GALNTL6: variants seen among roughly 807,000 people sequenced by gnomAD.
The protein encoded by GALNTL6 is polypeptide N-acetylgalactosaminyltransferase like 6, also known as polypeptide N-acetylgalactosaminyltransferase-like 6.
Under a neutral mutation model 73.7 loss-of-function variants are expected in GALNTL6, and 46 were observed. The observed-to-expected ratio is 0.62, with a 90% CI of 0.49 to 0.80. The LOEUF is 0.80. Among genes scored for constraint, GALNTL6 ranks in the 30% least tolerant of loss-of-function variants. The pLI is 0.00. For synonymous variants in GALNTL6, 259 were observed against 263.7 expected (o/e 0.98, Z 0.17); for missense variants, 604 against 755.0 (o/e 0.80, Z 2.34).
rs562857295 is a variant in GALNTL6 at position 173,005,946 on chromosome 4, T to C, written c.1372-3232T>C. On this transcript the variant is annotated intron_variant, in intron 10 of 12. Coordinates refer to ENST00000506823, the MANE Select transcript of GALNTL6 (RefSeq NM_001034845.3). ...TCTAGAAAATGGTATCCTCCATCCC[T>C]GCCAGAGGCCTTTTGAGCTCATAAC... 1.3e-3 allele frequency among the ~76,000 whole-genome samples: 193 copies of C among 152,332 alleles called. 3 individuals are homozygous for C. Among genetic ancestry groups the C allele is most frequent in the African/African-American group, 4.4e-3 (182 of 41,576 alleles).
chr4:172,985,392 A>G (rs1241238833), intron 10 of GALNTL6, among the ~76,000 whole-genome samples: 1 of 152,036 alleles, frequency 6.6e-6, no homozygotes, highest in African/African-American at 2.4e-5. Context: ...CAAACTAGAT[A>G]GAAAATATTT....
chr4:172,592,662 G>GTCTA (rs1329454087), intron 5 of GALNTL6, among the ~76,000 whole-genome samples: 1 of 138,718 alleles, frequency 7.2e-6, no homozygotes, highest in Non-Finnish European at 1.6e-5. Context: ...ATATCTGTCT[G>GTCTA]TCTGTCTGTC....
At chr4:172,061,619 T>A (rs1394779740) in intron 2 of GALNTL6, among the ~76,000 whole-genome samples, 2 of 152,204 alleles carry the variant, frequency 1.3e-5, no homozygotes, top group Admixed American at 1.3e-4. Flanking sequence ...TTTATTTCAT[T>A]TTTTATTATG....
intron 7 of GALNTL6, among the ~76,000 whole-genome samples, chr4:172,834,105 G>A (rs1331569825): frequency 6.6e-6 from 1 of 152,084 alleles, no homozygotes; most frequent in Non-Finnish European, 1.5e-5. Context: ...CAACAAGAGG[G>A]AAACTCCATC....
chr4:172,868,180 T>C (rs893975268), intron 7 of GALNTL6, among the ~76,000 whole-genome samples: 1 of 152,186 alleles, frequency 6.6e-6, no homozygotes, highest in South Asian at 2.1e-4. Context: ...TTGCAATGCC[T>C]GAAGGGATGC....
intron 2 of GALNTL6, among the ~76,000 whole-genome samples, chr4:172,166,177 G>A (rs947086940): frequency 1.3e-5 from 2 of 152,092 alleles, no homozygotes; most frequent in Non-Finnish European, 2.9e-5. Context: ...TGACATTTTT[G>A]TCCGGGCATG....
At chr4:172,536,669 A>C (rs548325913) in intron 5 of GALNTL6, among the ~76,000 whole-genome samples, 2 of 152,342 alleles carry the variant, frequency 1.3e-5, no homozygotes, top group Admixed American at 6.5e-5. Context: ...TGCTTTTAAA[A>C]GCATTTACTT....
chr4:171,838,259 G>T (rs1283961923), intron 2 of GALNTL6, among the ~76,000 whole-genome samples: 1 of 151,838 alleles, frequency 6.6e-6, no homozygotes, highest in Non-Finnish European at 1.5e-5. Flanking sequence ...AAGAAGCTGG[G>T]GTTACAGGAG....
chr4:172,178,341 G>A (rs530582190), intron 2 of GALNTL6, among the ~76,000 whole-genome samples: 1 of 152,184 alleles, frequency 6.6e-6, no homozygotes, highest in Admixed American at 6.5e-5. Flanking sequence ...GAACATGCAA[G>A]TATGTTACAT....
At chr4:172,551,117 A>T (rs1449431108) in intron 5 of GALNTL6, among the ~76,000 whole-genome samples, 1 of 152,256 alleles carries the variant, frequency 6.6e-6, no homozygotes, top group East Asian at 1.9e-4. Context: ...ACTGATCTAT[A>T]GCACATACTT....
At chr4:172,233,361 T>C (rs1386087062) in intron 3 of GALNTL6, among the ~76,000 whole-genome samples, 1 of 150,784 alleles carries the variant, frequency 6.6e-6, no homozygotes, top group Non-Finnish European at 1.5e-5. Flanking sequence ...AATAAATAAA[T>C]AAATAAATAA....
At chr4:172,990,179 G>A (rs1442555994) in intron 10 of GALNTL6, among the ~76,000 whole-genome samples, 4 of 152,208 alleles carry the variant, frequency 2.6e-5, no homozygotes, top group Non-Finnish European at 5.9e-5. Context: ...CCTTGATAAA[G>A]TAGCCAGTGT....
intron 2 of GALNTL6, among the ~76,000 whole-genome samples, chr4:171,883,213 C>T (rs917301516): frequency 6.6e-6 from 1 of 151,866 alleles, no homozygotes; most frequent in Admixed American, 6.6e-5. Flanking sequence ...ATTAGCTGCT[C>T]ATGGTGGCGC....
At chr4:172,519,427 C>T (rs909756203) in intron 5 of GALNTL6, among the ~76,000 whole-genome samples, 7 of 150,988 alleles carry the variant, frequency 4.6e-5, no homozygotes, top group South Asian at 2.1e-4. Context: ...TCAATATGGA[C>T]ACTTTATTGC....
intron 2 of GALNTL6, among the ~76,000 whole-genome samples, chr4:171,921,689 C>A (rs183847588): frequency 6.6e-6 from 1 of 152,088 alleles, no homozygotes; most frequent in East Asian, 1.9e-4. Context: ...CAAATTATTT[C>A]TTCAATTTCT....
At chr4:172,002,520 A>T (rs954307013) in intron 2 of GALNTL6, among the ~76,000 whole-genome samples, 2 of 152,168 alleles carry the variant, frequency 1.3e-5, no homozygotes, top group East Asian at 1.9e-4. Flanking sequence ...TTGTTATAGC[A>T]GTCCAGACAT....
intron 4 of GALNTL6, among the ~76,000 whole-genome samples, chr4:172,338,780 T>A (rs1741438898): frequency 6.6e-6 from 1 of 152,170 alleles, no homozygotes; most frequent in Non-Finnish European, 1.5e-5. Context: ...CAGGCAGGTC[T>A]GCCTAAAGGT....
chr4:172,478,433 T>C (rs1445765401), intron 5 of GALNTL6, among the ~76,000 whole-genome samples: 1 of 152,104 alleles, frequency 6.6e-6, no homozygotes, highest in Non-Finnish European at 1.5e-5. Flanking sequence ...ATTCAACAAA[T>C]GGTGTTAGGA....
chr4:172,760,739 C>G (rs1256951034), intron 5 of GALNTL6, among the ~76,000 whole-genome samples: 1 of 152,108 alleles, frequency 6.6e-6, no homozygotes, highest in Non-Finnish European at 1.5e-5. Flanking sequence ...GTTCTGTCTT[C>G]TAGGAGGACC....
Sources: allele counts gnomAD v4.1 joint callset (sites outside exome capture counted in the v4.1 genomes callset), GRCh38; gene constraint gnomAD v4.1.1; transcripts MANE v1.5; gene names NCBI Gene and HGNC (gene_info 2026-07-23, HGNC 2026-07-21).